APBB2: variants seen among roughly 807,000 people sequenced by gnomAD.
The protein encoded by APBB2 is amyloid beta precursor protein binding family B member 2.
APBB2 carries 38 observed loss-of-function variants against 82.5 expected under a neutral mutation model. The observed-to-expected ratio is 0.46, with a 90% confidence interval of 0.36 to 0.60. APBB2 has a LOEUF of 0.60. APBB2 is among the 20% of genes least tolerant of loss of function. The pLI is 0.00. For missense variants in APBB2, 772 were observed against 972.3 expected (o/e 0.79, Z 2.74); for synonymous variants, 341 against 368.2 (o/e 0.93, Z 0.85).
chr4:40,890,538 A>G (rs1327322271), intron 11 of APBB2, 47 bp from the exon 12 acceptor site: 29 of 1,607,304 alleles, frequency 1.8e-5, no homozygotes, highest in Non-Finnish European at 2.5e-5. Context: ...GCAGGCTGGA[A>G]AGCCTAATCG....
intron 6 of APBB2, among the ~76,000 whole-genome samples, chr4:40,975,613 C>G (rs1210135580): frequency 1.3e-5 from 2 of 152,108 alleles, no homozygotes; most frequent in Admixed American, 1.3e-4. Flanking sequence ...CTGCCCCAGG[C>G]ACTGTATGAA....
chr4:41,010,555 T>C (rs568304387), intron 6 of APBB2, among the ~76,000 whole-genome samples: 30 of 152,048 alleles, frequency 2.0e-4, no homozygotes, highest in Admixed American at 1.9e-3. Flanking sequence ...ATTTCAAGAG[T>C]CCCAGTAGGT....
intron 5 of APBB2, among the ~76,000 whole-genome samples, chr4:41,027,335 AT>A (rs1345112806): frequency 7.7e-5 from 11 of 143,492 alleles, no homozygotes; most frequent in African/African-American, 2.9e-4. Context: ...ACACACACAC[AT>A]TTTTATATTT....
intron 1 of APBB2, among the ~76,000 whole-genome samples, chr4:41,178,068 T>C (rs1038745859): frequency 6.6e-6 from 1 of 152,194 alleles, no homozygotes; most frequent in Admixed American, 6.5e-5. Context: ...TAACACTTTA[T>C]GCTAAACAAC....
chr4:41,061,516 AT>A (rs1464293349), intron 4 of APBB2, among the ~76,000 whole-genome samples: 1 of 152,246 alleles, frequency 6.6e-6, no homozygotes, highest in Admixed American at 6.5e-5. Flanking sequence ...AATGATAAGT[AT>A]TTGGGCACCT....
intron 1 of APBB2, among the ~76,000 whole-genome samples, chr4:41,196,786 T>G: frequency 6.6e-6 from 1 of 151,980 alleles, no homozygotes; most frequent in African/African-American, 2.4e-5. Context: ...TTGGAAATAA[T>G]CCTCCTCTTC....
intron 12 of APBB2, chr4:40,848,925 T>C: frequency 1.0e-6 from 1 of 985,302 alleles, no homozygotes; most frequent in Non-Finnish European, 1.2e-6. Flanking sequence ...AGCTACCCTA[T>C]TTCCCTCTCT....
intron 5 of APBB2, among the ~76,000 whole-genome samples, chr4:41,027,092 T>C (rs529830534): frequency 6.6e-6 from 1 of 152,148 alleles, no homozygotes; most frequent in African/African-American, 2.4e-5. Flanking sequence ...TATAAAACCT[T>C]AGTTTTAGTT....
chr4:40,924,779 A>G (rs571540864), intron 10 of APBB2, among the ~76,000 whole-genome samples: 5 of 152,336 alleles, frequency 3.3e-5, no homozygotes, highest in African/African-American at 1.2e-4. Flanking sequence ...AGCAAAATAA[A>G]TAATTGTTTT....
At chr4:41,044,465 T>C (rs977875732) in intron 4 of APBB2, among the ~76,000 whole-genome samples, 1 of 152,222 alleles carries the variant, frequency 6.6e-6, no homozygotes, top group African/African-American at 2.4e-5. Context: ...CAAGCTCATC[T>C]TACATCTTTC....
At chr4:41,128,757 T>C (rs1755139697) in intron 2 of APBB2, among the ~76,000 whole-genome samples, 1 of 152,184 alleles carries the variant, frequency 6.6e-6, no homozygotes, top group Non-Finnish European at 1.5e-5. Flanking sequence ...CCTACTGTCC[T>C]ACAAACACAT....
At chr4:40,823,009 C>T (rs565521637) in intron 16 of APBB2, among the ~76,000 whole-genome samples, 22 of 152,268 alleles carry the variant, frequency 1.4e-4, no homozygotes, top group South Asian at 8.3e-4. Flanking sequence ...CAGGGTGAAC[C>T]GGGCAGCTGT....
At chr4:40,890,343 C>T (rs550935227) in intron 12 of APBB2, 21 bp downstream of exon 12, 2 of 1,607,902 alleles carry the variant, frequency 1.2e-6, no homozygotes, top group African/African-American at 2.7e-5. Flanking sequence ...GTGACCCAGA[C>T]TGCCCCACCC....
At chr4:41,135,328 A>C (rs1359497389) in intron 2 of APBB2, among the ~76,000 whole-genome samples, 9 of 152,194 alleles carry the variant, frequency 5.9e-5, no homozygotes. Context: ...AACTGCACCG[A>C]AAGATTTTTT....
At chr4:40,848,016 G>C (rs1487981826) in intron 12 of APBB2, among the ~76,000 whole-genome samples, 1 of 152,010 alleles carries the variant, frequency 6.6e-6, no homozygotes, top group African/African-American at 2.4e-5. Flanking sequence ...ATGTTGCAAA[G>C]GTTGGTCTCA....
intron 6 of APBB2, among the ~76,000 whole-genome samples, chr4:40,961,204 A>G (rs1793111929): frequency 6.6e-6 from 1 of 152,114 alleles, no homozygotes; most frequent in Non-Finnish European, 1.5e-5. Flanking sequence ...TGTATTACTA[A>G]TAGTTGAAAT....
chr4:41,105,284 T>A (rs1311956336), intron 2 of APBB2, among the ~76,000 whole-genome samples: 1 of 152,232 alleles, frequency 6.6e-6, no homozygotes, highest in African/African-American at 2.4e-5. Context: ...AACCCTTATG[T>A]TTCAAATGTG....
At chr4:41,197,199 G>A in intron 1 of APBB2, among the ~76,000 whole-genome samples, 6 of 151,908 alleles carry the variant, frequency 3.9e-5, no homozygotes, top group East Asian at 3.9e-4. Context: ...TCTCCTGCTC[G>A]AACAATATGC....
At chr4:40,946,255 C>T (rs7377846) in intron 6 of APBB2, among the ~76,000 whole-genome samples, 3 of 101,794 alleles carry the variant, frequency 2.9e-5, no homozygotes, top group South Asian at 3.2e-4. Context: ...AAAAAAAAAA[C>T]ATTCCCAAGG....
Sources: gnomAD v4.1 joint callset for allele counts (sites outside exome capture counted in the v4.1 genomes callset) on GRCh38, gnomAD v4.1.1 for gene constraint, MANE v1.5 for transcripts, NCBI Gene and HGNC (gene_info 2026-07-23, HGNC 2026-07-21) for gene names.